Variants in LRRIQ1 observed in about 807,000 individuals in gnomAD.
LRRIQ1 encodes leucine-rich repeat- and IQ domain-containing protein 1.
In LRRIQ1, 210 loss-of-function variants were observed where a neutral mutation model predicts 211.9. That is an observed-to-expected ratio of 0.99 (90% CI 0.89 to 1.11). The LOEUF (loss-of-function observed/expected upper bound fraction) is 1.11. LRRIQ1 is among the 50% of genes most tolerant of loss of function. The pLI is 0.00. For missense variants in LRRIQ1, 2,136 were observed against 1,939.5 expected (o/e 1.10, Z -1.90); for synonymous variants, 699 against 650.1 (o/e 1.08, Z -1.14).
intron 10 of LRRIQ1, 115 bp downstream of exon 10, chr12:85,067,013 T>C: frequency 3.8e-6 from 2 of 520,806 alleles, no homozygotes; most frequent in Non-Finnish European, 6.1e-6. Context: ...TTATTTATGT[T>C]ATACTTTTAA....
chr12:85,216,102 G>T (rs113351740), intron 24 of LRRIQ1, among the ~76,000 whole-genome samples: 4 of 152,088 alleles, frequency 2.6e-5, no homozygotes, highest in African/African-American at 9.7e-5. Context: ...TACACATGCC[G>T]TGGTGGTTTG....
intron 24 of LRRIQ1, among the ~76,000 whole-genome samples, chr12:85,220,711 G>A (rs1409890485): frequency 1.3e-5 from 2 of 151,114 alleles, no homozygotes; most frequent in Non-Finnish European, 3.0e-5. Context: ...TGTTACATAT[G>A]TATACATGTG....
chr12:85,243,137 T>C (rs1205090954), intron 26 of LRRIQ1, among the ~76,000 whole-genome samples: 1 of 150,764 alleles, frequency 6.6e-6, no homozygotes, highest in Admixed American at 6.6e-5. Context: ...TGTTTTTTCT[T>C]GTTACCTAAG....
At chr12:85,064,330 A>G (rs1882191595) in intron 8 of LRRIQ1, among the ~76,000 whole-genome samples, 1 of 151,894 alleles carries the variant, frequency 6.6e-6, no homozygotes, top group Non-Finnish European at 1.5e-5. Flanking sequence ...TTCTTGAGAA[A>G]TATCTATTCA....
intron 24 of LRRIQ1, among the ~76,000 whole-genome samples, chr12:85,203,866 G>C (rs117978579): frequency 6.6e-6 from 1 of 152,130 alleles, no homozygotes; most frequent in South Asian, 2.1e-4. Context: ...CCCATTTTCC[G>C]AGGAGAAGGT....
intron 17 of LRRIQ1, 194 bp downstream of exon 17, chr12:85,124,713 A>G (rs1224306586): frequency 3.9e-6 from 2 of 507,020 alleles, no homozygotes; most frequent in Non-Finnish European, 6.9e-6. Context: ...GTGCATATTA[A>G]TTTGATTAAA....
chr12:85,126,488 A>G (rs868207335), intron 17 of LRRIQ1, among the ~76,000 whole-genome samples: 2 of 152,168 alleles, frequency 1.3e-5, no homozygotes, highest in African/African-American at 4.8e-5. Flanking sequence ...TGTTCAAAAG[A>G]TGAAGTAATG....
At chr12:85,206,342 T>G (rs1038971734) in intron 24 of LRRIQ1, among the ~76,000 whole-genome samples, 1 of 152,202 alleles carries the variant, frequency 6.6e-6, no homozygotes, top group African/African-American at 2.4e-5. Flanking sequence ...GTGGCAGGGC[T>G]GCTGGTTTCC....
At chr12:85,147,492 C>T (rs935004983) in intron 19 of LRRIQ1, among the ~76,000 whole-genome samples, 2 of 151,682 alleles carry the variant, frequency 1.3e-5, no homozygotes, top group Non-Finnish European at 2.9e-5. Context: ...TGTTTGAGGG[C>T]CCAAGTCATG....
At chr12:85,069,272 A>G (rs1882804307) in intron 10 of LRRIQ1, among the ~76,000 whole-genome samples, 1 of 151,968 alleles carries the variant, frequency 6.6e-6, no homozygotes, top group South Asian at 2.1e-4. Context: ...ACATGAACCC[A>G]TCATTTTTTA....
chr12:85,044,650 G>T (rs945900165), intron 3 of LRRIQ1, 68 bp from the exon 4 acceptor site: 35 of 728,660 alleles, frequency 4.8e-5, no homozygotes, highest in Non-Finnish European at 7.2e-5. Flanking sequence ...TTAAGAAAGG[G>T]TTTGAAATTT....
At chr12:85,259,901 T>C in intron 1 of LRRIQ1, among the ~76,000 whole-genome samples, 1 of 151,922 alleles carries the variant, frequency 6.6e-6, no homozygotes, top group East Asian at 1.9e-4. Context: ...AACATAATAA[T>C]ATTGGGGGGA....
chr12:85,231,309 G>T (rs527308922), intron 25 of LRRIQ1, among the ~76,000 whole-genome samples: 7 of 152,172 alleles, frequency 4.6e-5, no homozygotes, highest in Admixed American at 2.0e-4. Flanking sequence ...ATATGGAAAT[G>T]AAAATAAAAC....
chr12:85,128,153 T>G, intron 18 of LRRIQ1, 120 bp downstream of exon 18: 1 of 842,670 alleles, frequency 1.2e-6, no homozygotes, highest in Middle Eastern at 3.7e-4. Flanking sequence ...GATTTATTTC[T>G]TATTCAAGTG....
chr12:85,143,750 A>G (rs911995630), intron 19 of LRRIQ1, among the ~76,000 whole-genome samples: 5 of 151,604 alleles, frequency 3.3e-5, no homozygotes, highest in East Asian at 3.9e-4. Context: ...CATGTCCACT[A>G]TTTTGTTGAA....
At chr12:85,195,957 T>A (rs1892882576) in intron 24 of LRRIQ1, among the ~76,000 whole-genome samples, 1 of 151,894 alleles carries the variant, frequency 6.6e-6, no homozygotes, top group Admixed American at 6.6e-5. Flanking sequence ...CTCCTTAAGC[T>A]GATAAGCAAC....
At chr12:85,124,638 C>A in intron 17 of LRRIQ1, 119 bp downstream of exon 17, 1 of 770,230 alleles carries the variant, frequency 1.3e-6, no homozygotes. Flanking sequence ...ATATTTCATA[C>A]CGATTCCATT....
rs76717600 is a variant in LRRIQ1 at position 85,211,813 on chromosome 12, C to A, written c.4823-17704C>A. 0.01 allele frequency among the ~76,000 whole-genome samples: 1,577 copies of A among 152,150 alleles called. 111 individuals carry two copies. In the East Asian group the frequency reaches 0.2, roughly 19 times the overall value. ...ACTTGGATCATTCATAAATGATGGG[C>A]AATATTTTAATAATATATTTCTTTC... On this transcript the variant is annotated intron_variant, in intron 24 of 26. Coordinates refer to ENST00000393217, the MANE Select transcript of LRRIQ1 (RefSeq NM_001079910.2).
At chr12:85,177,775 A>G (rs1030120112) in intron 24 of LRRIQ1, among the ~76,000 whole-genome samples, 1 of 152,188 alleles carries the variant, frequency 6.6e-6, no homozygotes, top group Non-Finnish European at 1.5e-5. Context: ...CAATTATGGA[A>G]CATATGGTGT....
Sources: gnomAD v4.1 joint callset for allele counts (sites outside exome capture counted in the v4.1 genomes callset) on GRCh38, gnomAD v4.1.1 for gene constraint, MANE v1.5 for transcripts, NCBI Gene and HGNC (gene_info 2026-07-23, HGNC 2026-07-21) for gene names.